Variants in KCNIP1 observed in about 807,000 individuals in gnomAD.
KCNIP1 encodes potassium voltage-gated channel interacting protein 1.
KCNIP1 carries 18 observed loss-of-function variants against 33.0 expected under a neutral mutation model. That is an observed-to-expected ratio of 0.55 (90% CI 0.38 to 0.81). The LOEUF is 0.81. Ranked by LOEUF, KCNIP1 falls within the 30% of genes least tolerant of loss-of-function variation. The pLI is 0.00. For missense variants in KCNIP1, 238 were observed against 271.6 expected, an observed-to-expected ratio of 0.88 and a Z score of 0.87; for synonymous variants, 93 against 98.3, an observed-to-expected ratio of 0.95 and a Z score of 0.32.
At chr5:170,687,403 A>T (rs1325810973) in intron 1 of KCNIP1, among the ~76,000 whole-genome samples, 1 of 152,044 alleles carries the variant, frequency 6.6e-6, no homozygotes, top group Non-Finnish European at 1.5e-5. Context: ...GCTGGTCTCA[A>T]ACTCCTGACC....
chr5:170,598,898 T>TGCGC (rs747065992), intron 1 of KCNIP1, among the ~76,000 whole-genome samples: 7 of 114,234 alleles, frequency 6.1e-5, no homozygotes, highest in South Asian at 5.8e-4. Context: ...GCTGTGTGTG[T>TGCGC]GTGCGCGTGT....
chr5:170,613,801 C>T (rs1049924210), intron 1 of KCNIP1, among the ~76,000 whole-genome samples: 4 of 152,238 alleles, frequency 2.6e-5, no homozygotes, highest in South Asian at 2.1e-4. Context: ...TGACAAAGAG[C>T]TTCTTAAAAA....
chr5:170,445,652 G>C (rs1285769659), intron 1 of KCNIP1, among the ~76,000 whole-genome samples: 1 of 152,184 alleles, frequency 6.6e-6, no homozygotes, highest in African/African-American at 2.4e-5. Context: ...GCTGAGGAGA[G>C]AGCAGCTCGC....
chr5:170,732,124 A>G (rs1017641339), intron 5 of KCNIP1, among the ~76,000 whole-genome samples: 3 of 152,210 alleles, frequency 2.0e-5, no homozygotes, highest in African/African-American at 4.8e-5. Context: ...ATAAAATAAA[A>G]TAAGCACATG....
intron 1 of KCNIP1, among the ~76,000 whole-genome samples, chr5:170,515,577 T>C (rs1755090882): frequency 6.6e-6 from 1 of 152,190 alleles, no homozygotes; most frequent in Non-Finnish European, 1.5e-5. Context: ...CAACTTGGTT[T>C]TATGTAAGCC....
intron 1 of KCNIP1, among the ~76,000 whole-genome samples, chr5:170,564,566 A>G (rs1757143135): frequency 6.6e-6 from 1 of 152,020 alleles, no homozygotes; most frequent in African/African-American, 2.4e-5. Context: ...ACTGAACCAC[A>G]CTTTCTCCAG....
intron 1 of KCNIP1, among the ~76,000 whole-genome samples, chr5:170,575,855 T>G (rs1469747512): frequency 6.6e-6 from 1 of 152,228 alleles, no homozygotes; most frequent in Admixed American, 6.5e-5. Flanking sequence ...TTACAACTGT[T>G]AGGTGGAAAA....
At chr5:170,494,342 C>T (rs1194166313) in intron 1 of KCNIP1, among the ~76,000 whole-genome samples, 1 of 152,182 alleles carries the variant, frequency 6.6e-6, no homozygotes, top group Non-Finnish European at 1.5e-5. Context: ...CAGGCCAGCC[C>T]AATGCAAGAA....
chr5:170,542,899 G>GA (rs1485809065), intron 1 of KCNIP1, among the ~76,000 whole-genome samples: 3 of 152,166 alleles, frequency 2.0e-5, no homozygotes, highest in Non-Finnish European at 2.9e-5. Context: ...ACTGCTGATT[G>GA]GGGGGACTAC....
At position 170,718,790 on chromosome 5, in the gene KCNIP1, G is replaced by T; in HGVS notation, c.94G>T (p.Val32Phe). The T allele has an allele frequency of 6.2e-7, 1 of 1,613,046 alleles. No homozygotes were observed. Among genetic ancestry groups the T allele is most frequent in the Non-Finnish European group, 8.5e-7 (1 of 1,179,658 alleles). Residue 32 changes from valine to phenylalanine, a missense_variant, in exon 2 of 8, where the codon GTT (valine) becomes TTT (phenylalanine). By Grantham distance (50) the Val-to-Phe change is conservative. Transcript: ENST00000328939. ...KIEDELEMTM[V>F]CHRPEGLEQL... ...TGAAGATGAGCTGGAGATGACCATG[G>T]TTTGCCATCGGCCCGAGGGACTGGA...
At chr5:170,577,815 C>CA (rs1168243532) in intron 1 of KCNIP1, among the ~76,000 whole-genome samples, 3 of 152,070 alleles carry the variant, frequency 2.0e-5, no homozygotes, top group Non-Finnish European at 4.4e-5. Flanking sequence ...CTTACAACAG[C>CA]AAAAAAACTT....
In KCNIP1 at chr5:170,531,049, A is replaced by T. The variant is rs75768588; in HGVS notation, c.61+26416A>T. Among the ~76,000 whole-genome samples, 1,158 of 152,294 alleles carry T rather than the reference A, an allele frequency of 7.6e-3. 11 individuals are homozygous for T. Among genetic ancestry groups the T allele is most frequent in the African/African-American group, 0.025 (1,052 of 41,552 alleles). ...AATTCCTTCTCTGCATAAACCAACTAGAATAGATTCTGTAGTTTACAACCA... is the reference window on the plus strand; with the variant it reads ...AATTCCTTCTCTGCATAAACCAACTTGAATAGATTCTGTAGTTTACAACCA... On this transcript the variant is annotated intron_variant, in intron 1 of 7. Transcript: ENST00000328939.
intron 1 of KCNIP1, among the ~76,000 whole-genome samples, chr5:170,356,543 C>A (rs1244415712): frequency 1.3e-5 from 2 of 152,188 alleles, no homozygotes. Flanking sequence ...TGCTCATGTC[C>A]ACCTGCTCAC....
chr5:170,676,823 G>T (rs769340391), intron 1 of KCNIP1, among the ~76,000 whole-genome samples: 1 of 152,222 alleles, frequency 6.6e-6, no homozygotes, highest in Non-Finnish European at 1.5e-5. Context: ...AGCAGCAGAA[G>T]TAGCTAGCTA....
intron 1 of KCNIP1, among the ~76,000 whole-genome samples, chr5:170,698,603 G>T (rs960463884): frequency 6.6e-6 from 1 of 152,006 alleles, no homozygotes; most frequent in African/African-American, 2.4e-5. Flanking sequence ...TCTGATCACT[G>T]CAAGACCCCC....
intron 1 of KCNIP1, among the ~76,000 whole-genome samples, chr5:170,484,942 C>CTTT (rs397999898): frequency 7.0e-5 from 9 of 129,454 alleles, no homozygotes; most frequent in African/African-American, 8.7e-5. Flanking sequence ...TTTCTTTTTT[C>CTTT]TTTTTTTTTT....
At chr5:170,728,039 T>G (rs2113888012) in intron 5 of KCNIP1, among the ~76,000 whole-genome samples, 1 of 152,364 alleles carries the variant, frequency 6.6e-6, no homozygotes, top group Non-Finnish European at 1.5e-5. Flanking sequence ...GCCTATTAAA[T>G]AATTTATCAC....
intron 1 of KCNIP1, among the ~76,000 whole-genome samples, chr5:170,658,409 T>C (rs1761352257): frequency 1.3e-5 from 2 of 152,112 alleles, no homozygotes; most frequent in South Asian, 4.2e-4. Flanking sequence ...CCCCAAATAA[T>C]CCATTAATTC....
chr5:170,480,840 A>G (rs1049887678), intron 1 of KCNIP1, among the ~76,000 whole-genome samples: 1 of 152,292 alleles, frequency 6.6e-6, no homozygotes, highest in African/African-American at 2.4e-5. Context: ...CATGTTACCA[A>G]GCATGACTAC....
Sources: gnomAD v4.1 joint callset for allele counts (sites outside exome capture counted in the v4.1 genomes callset) on GRCh38, gnomAD v4.1.1 for gene constraint, MANE v1.5 for transcripts, NCBI Gene and HGNC (gene_info 2026-07-23, HGNC 2026-07-21) for gene names.